The following AUTS2 variants were observed in gnomAD, a reference collection of about 807,000 sequenced individuals.
AUTS2 encodes the protein autism susceptibility gene 2 protein.
In AUTS2, 17 loss-of-function variants were observed where a neutral mutation model predicts 112.4. The ratio of observed to expected loss-of-function variants is 0.15; its 90% CI spans 0.10 to 0.23. The LOEUF is 0.23. Among genes scored for constraint, AUTS2 ranks in the 10% least tolerant of loss-of-function variants. AUTS2 has a pLI of 1.00. For synonymous variants in AUTS2, 751 were observed against 702.7 expected (o/e 1.07, Z -1.09); for missense variants, 1,510 against 1,701.6 (o/e 0.89, Z 1.98).
intron 5 of AUTS2, among the ~76,000 whole-genome samples, chr7:70,509,140 G>A (rs1164355937): frequency 3.3e-5 from 5 of 152,196 alleles, no homozygotes; most frequent in Non-Finnish European, 1.5e-5. Flanking sequence ...TTTCTTCGCA[G>A]CAATAAGTGC....
At chr7:70,035,346 C>T (rs1800954819) in intron 2 of AUTS2, among the ~76,000 whole-genome samples, 1 of 152,174 alleles carries the variant, frequency 6.6e-6, no homozygotes, top group South Asian at 2.1e-4. Flanking sequence ...GAGATTGGCC[C>T]TGTGGCATCA....
chr7:69,806,201 T>A lies in AUTS2; in HGVS notation c.310-93085T>A, dbSNP rs1482168928. Among the ~76,000 whole-genome samples the A allele has an allele frequency of 3.8e-3, 503 of 131,576 alleles. 1 individual carries two copies. Among genetic ancestry groups the A allele is most frequent in the African/African-American group, 0.015 (472 of 30,864 alleles). 86.3% of individuals were successfully genotyped at this position (131,576 alleles called of 152,430 possible). On this transcript the variant is annotated intron_variant, in intron 1 of 18. Coordinates refer to ENST00000342771, the MANE Select transcript of AUTS2 (RefSeq NM_015570.4). ...AGCCACCATGCCCAGCCAAGGCTTT[T>A]TTTTTTTTTTTTTTTTTTTTTTTTT...
intron 5 of AUTS2, among the ~76,000 whole-genome samples, chr7:70,616,464 C>T (rs1804372387): frequency 1.3e-5 from 2 of 152,186 alleles, no homozygotes; most frequent in Non-Finnish European, 2.9e-5. Context: ...GCTGATGCAG[C>T]TGCCCGGTGA....
At chr7:70,172,329 G>T (rs947318995) in intron 4 of AUTS2, among the ~76,000 whole-genome samples, 1 of 152,166 alleles carries the variant, frequency 6.6e-6, no homozygotes, top group Non-Finnish European at 1.5e-5. Context: ...ATTTTACCAG[G>T]TATAAAGAGC....
At chr7:70,756,730 C>G (rs1033363180) in intron 6 of AUTS2, among the ~76,000 whole-genome samples, 2 of 152,112 alleles carry the variant, frequency 1.3e-5, no homozygotes, top group African/African-American at 4.8e-5. Context: ...CTGGAGCAGC[C>G]TTACCATTGT....
chr7:69,742,717 T>A (rs1787321270), intron 1 of AUTS2, among the ~76,000 whole-genome samples: 1 of 152,216 alleles, frequency 6.6e-6, no homozygotes, highest in South Asian at 2.1e-4. Flanking sequence ...TTTCTTCATC[T>A]ATACAGTGAT....
At chr7:70,741,109 T>TAAA (rs201234065) in intron 6 of AUTS2, among the ~76,000 whole-genome samples, 2 of 141,784 alleles carry the variant, frequency 1.4e-5, no homozygotes, top group Non-Finnish European at 3.1e-5. Flanking sequence ...TTAAAAAAAA[T>TAAA]AAAAAAAAAA....
intron 6 of AUTS2, among the ~76,000 whole-genome samples, chr7:70,706,053 C>T (rs1297292086): frequency 6.6e-6 from 1 of 152,182 alleles, no homozygotes; most frequent in African/African-American, 2.4e-5. Flanking sequence ...CACCACGACC[C>T]CAGTACATGC....
chr7:69,879,531 G>A (rs60359704), intron 1 of AUTS2, among the ~76,000 whole-genome samples: 52,668 of 151,764 alleles, frequency 0.35, 9,556 homozygotes, highest in African/African-American at 0.46. Flanking sequence ...TATTTTGCTT[G>A]TTCCTAGAGT....
At chr7:70,448,012 G>T (rs1025173368) in intron 5 of AUTS2, among the ~76,000 whole-genome samples, 5 of 152,160 alleles carry the variant, frequency 3.3e-5, no homozygotes, top group Non-Finnish European at 5.9e-5. Context: ...ACAATTTAAG[G>T]TTGTCTCCCA....
At chr7:70,517,795 T>C (rs1452917982) in intron 5 of AUTS2, among the ~76,000 whole-genome samples, 1 of 152,036 alleles carries the variant, frequency 6.6e-6, no homozygotes, top group Admixed American at 6.6e-5. Context: ...ACTTAATCAT[T>C]TGTATGTATA....
At chr7:69,703,641 G>T (rs1203221230) in intron 1 of AUTS2, among the ~76,000 whole-genome samples, 2 of 152,170 alleles carry the variant, frequency 1.3e-5, no homozygotes, top group African/African-American at 2.4e-5. Context: ...TGCTGGTTTG[G>T]TCAGGGTGGA....
At chr7:70,407,752 C>T (rs906465423) in intron 4 of AUTS2, among the ~76,000 whole-genome samples, 3 of 151,902 alleles carry the variant, frequency 2.0e-5, no homozygotes, top group African/African-American at 4.8e-5. Context: ...GACCTCGTCT[C>T]TACAGAAAAG....
At chr7:69,756,896 T>TA (rs940177276) in intron 1 of AUTS2, among the ~76,000 whole-genome samples, 4 of 152,222 alleles carry the variant, frequency 2.6e-5, no homozygotes, top group Admixed American at 2.6e-4. Context: ...ATTTTTTCCT[T>TA]AAAAAGTCAG....
At chr7:69,943,959 T>C (rs1796717060) in intron 2 of AUTS2, among the ~76,000 whole-genome samples, 1 of 152,200 alleles carries the variant, frequency 6.6e-6, no homozygotes, top group Admixed American at 6.6e-5. Context: ...TTAACAGTTG[T>C]TTTAAATAAT....
At chr7:70,453,001 C>T (rs1796594639) in intron 5 of AUTS2, among the ~76,000 whole-genome samples, 1 of 152,142 alleles carries the variant, frequency 6.6e-6, no homozygotes, top group Admixed American at 6.5e-5. Flanking sequence ...CTCTCTCCTC[C>T]CCTGTCCCTT....
At chr7:69,937,707 T>A (rs1407602394) in intron 2 of AUTS2, among the ~76,000 whole-genome samples, 1 of 152,186 alleles carries the variant, frequency 6.6e-6, no homozygotes, top group Non-Finnish European at 1.5e-5. Flanking sequence ...TTTCAACTGG[T>A]AACAATGTTT....
chr7:70,550,004 A>G (rs1223726385), intron 5 of AUTS2, among the ~76,000 whole-genome samples: 1 of 152,248 alleles, frequency 6.6e-6, no homozygotes, highest in Admixed American at 6.5e-5. Context: ...GAAAGGTGTT[A>G]GAGAAGAGAC....
chr7:69,688,986 T>G (rs190677800), intron 1 of AUTS2, among the ~76,000 whole-genome samples: 5 of 152,356 alleles, frequency 3.3e-5, no homozygotes, highest in Admixed American at 3.3e-4. Flanking sequence ...TTTGATTTTC[T>G]TTTTGTACCT....
Sources: allele counts gnomAD v4.1 joint callset (sites outside exome capture counted in the v4.1 genomes callset), GRCh38; gene constraint gnomAD v4.1.1; transcripts MANE v1.5; gene names NCBI Gene and HGNC (gene_info 2026-07-23, HGNC 2026-07-21).